RAB7A: variants seen among roughly 807,000 people sequenced by gnomAD.
The protein encoded by RAB7A is ras-related protein Rab-7a.
Under a neutral mutation model 24.5 loss-of-function variants are expected in RAB7A, and 2 were observed. The ratio of observed to expected loss-of-function variants is 0.08; its 90% CI spans 0.03 to 0.26. The LOEUF is 0.26. RAB7A is among the 10% of genes least tolerant of loss of function. The probability of loss-of-function intolerance (pLI) is 1.00; values close to 1 mark genes in which losing one functional copy is unlikely to be tolerated. For synonymous variants in RAB7A, 100 were observed against 95.9 expected, an observed-to-expected ratio of 1.04 and a Z score of -0.25; for missense variants, 118 against 255.7, an observed-to-expected ratio of 0.46 and a Z score of 3.67.
intron 1 of RAB7A, among the ~76,000 whole-genome samples, chr3:128,763,875 C>CT (rs1553718995): frequency 2.5e-4 from 30 of 120,072 alleles, no homozygotes; most frequent in African/African-American, 7.1e-4. Context: ...CCCCCCCCCC[C>CT]GCCCCTGCTT....
At chr3:128,803,840 C>T (rs1933747880) in intron 3 of RAB7A, among the ~76,000 whole-genome samples, 1 of 152,116 alleles carries the variant, frequency 6.6e-6, no homozygotes, top group Non-Finnish European at 1.5e-5. Flanking sequence ...GAAGGGTTAA[C>T]TCTTGGAAAA....
intron 1 of RAB7A, chr3:128,764,731 C>T: frequency 2.5e-6 from 2 of 800,900 alleles, no homozygotes; most frequent in South Asian, 1.3e-5. Context: ...ATTCAGCCCA[C>T]TCTCCCAGTC....
intron 1 of RAB7A, among the ~76,000 whole-genome samples, chr3:128,754,024 C>T (rs142699646): frequency 2.6e-5 from 4 of 151,848 alleles, no homozygotes; most frequent in Non-Finnish European, 4.4e-5. Flanking sequence ...AAAAGCTTAA[C>T]GAGTTTGTTA....
At chr3:128,794,425 C>G (rs1345054712) in intron 1 of RAB7A, among the ~76,000 whole-genome samples, 1 of 152,178 alleles carries the variant, frequency 6.6e-6, no homozygotes, top group Non-Finnish European at 1.5e-5. Context: ...AGCGGCAAAA[C>G]CAGAATAGAA....
At chr3:128,756,934 C>T (rs367735409) in intron 1 of RAB7A, among the ~76,000 whole-genome samples, 1 of 151,726 alleles carries the variant, frequency 6.6e-6, no homozygotes. Flanking sequence ...AACTCCACCT[C>T]GTGGGTTCAA....
intron 1 of RAB7A, among the ~76,000 whole-genome samples, chr3:128,761,924 C>T (rs1250989969): frequency 1.3e-5 from 2 of 152,178 alleles, no homozygotes; most frequent in East Asian, 3.8e-4. Flanking sequence ...CTGTGGTGCA[C>T]TTAACTGTGC....
intron 1 of RAB7A, among the ~76,000 whole-genome samples, chr3:128,739,760 C>A (rs2070530846): frequency 6.6e-6 from 1 of 152,012 alleles, no homozygotes; most frequent in African/African-American, 2.4e-5. Context: ...TCAGTTATTT[C>A]CAGCTCTTTA....
At chr3:128,763,559 T>G (rs1317586275) in intron 1 of RAB7A, among the ~76,000 whole-genome samples, 1 of 152,150 alleles carries the variant, frequency 6.6e-6, no homozygotes, top group Non-Finnish European at 1.5e-5. Context: ...TAGGAACCTT[T>G]TAATGTCTGA....
intron 1 of RAB7A, among the ~76,000 whole-genome samples, chr3:128,757,698 A>G (rs2070741386): frequency 6.6e-6 from 1 of 151,938 alleles, no homozygotes; most frequent in Non-Finnish European, 1.5e-5. Flanking sequence ...TTGTATTTTT[A>G]GTAGAGGTGG....
chr3:128,774,745 T>G (rs971099359), intron 1 of RAB7A, among the ~76,000 whole-genome samples: 3 of 152,044 alleles, frequency 2.0e-5, no homozygotes, highest in Admixed American at 2.0e-4. Flanking sequence ...GCTAATTTTT[T>G]GTATTTTTAG....
rs901323164 is a variant in RAB7A at position 128,738,505 on chromosome 3, C to T, written c.-9+12146C>T. ...CTTTATCTTGATTCCTGTCAATTCC[C>T]CTTCATCTCTGTTTTCTAGCTCCAG... On this transcript the variant is annotated intron_variant, in intron 1 of 5. Transcript: ENST00000265062. 3.9e-5 allele frequency among the ~76,000 whole-genome samples: 6 copies of T among 152,126 alleles called. No individual in the cohort carries two copies. In the East Asian group the frequency reaches 1.2e-3, roughly 29 times the overall value.
chr3:128,779,600 G>GGTGGT (rs1933173965), intron 1 of RAB7A, among the ~76,000 whole-genome samples: 1 of 149,526 alleles, frequency 6.7e-6, no homozygotes, highest in Non-Finnish European at 1.5e-5. Context: ...GGGGTGGGGG[G>GGTGGT]GTGGTGTTGG....
intron 3 of RAB7A, among the ~76,000 whole-genome samples, chr3:128,799,474 G>A (rs1415788946): frequency 6.6e-6 from 1 of 152,092 alleles, no homozygotes; most frequent in African/African-American, 2.4e-5. Context: ...AAAGTACCTG[G>A]CAAATAGTGG....
chr3:128,782,214 A>G (rs982643763), intron 1 of RAB7A, among the ~76,000 whole-genome samples: 1 of 152,174 alleles, frequency 6.6e-6, no homozygotes, highest in African/African-American at 2.4e-5. Context: ...ATGGGACAAA[A>G]TAGAACCTGG....
intron 1 of RAB7A, among the ~76,000 whole-genome samples, chr3:128,752,762 T>G (rs2107592089): frequency 6.6e-6 from 1 of 151,082 alleles, no homozygotes; most frequent in East Asian, 1.9e-4. Context: ...TTTTAAAGTG[T>G]TTATTCTTTA....
intron 3 of RAB7A, among the ~76,000 whole-genome samples, chr3:128,806,087 T>C (rs1340258105): frequency 6.6e-6 from 1 of 152,228 alleles, no homozygotes; most frequent in African/African-American, 2.4e-5. Flanking sequence ...TTTTACACAC[T>C]TACCTACATG....
intron 1 of RAB7A, among the ~76,000 whole-genome samples, chr3:128,785,715 C>T (rs1291135443): frequency 3.4e-5 from 5 of 148,468 alleles, no homozygotes; most frequent in African/African-American, 1.3e-4. Context: ...CGCCACTGTA[C>T]TCCAACCTGG....
At chr3:128,756,258 G>A (rs376201479) in intron 1 of RAB7A, among the ~76,000 whole-genome samples, 4 of 148,404 alleles carry the variant, frequency 2.7e-5, no homozygotes, top group African/African-American at 5.2e-5. Flanking sequence ...CAGGAGAATC[G>A]CTTGGAGGCA....
chr3:128,768,995 T>TA (rs57254328), intron 1 of RAB7A, among the ~76,000 whole-genome samples: 12 of 122,798 alleles, frequency 9.8e-5, no homozygotes, highest in African/African-American at 3.4e-4. Context: ...TTTTTTTTTT[T>TA]AAGGAAACAG....
Sources: allele counts gnomAD v4.1 joint callset (sites outside exome capture counted in the v4.1 genomes callset), GRCh38; gene constraint gnomAD v4.1.1; transcripts MANE v1.5; gene names NCBI Gene and HGNC (gene_info 2026-07-23, HGNC 2026-07-21).